Variants in FSAF1 observed in about 807,000 individuals in gnomAD.
FSAF1 encodes 40S small subunit processome assembly factor 1, also known as uncharacterized protein C1orf131.
chr1:231,224,256 C>A, the FSAF1 span: 4 of 1,600,328 alleles, frequency 2.5e-6, no homozygotes, highest in Non-Finnish European at 8.5e-7. Context: ...TGTTCCCATC[C>A]TCGTTTTATT....
At chr1:231,235,461 C>A in the FSAF1 span, among the ~76,000 whole-genome samples, 2 of 151,558 alleles carry the variant, frequency 1.3e-5, no homozygotes, top group Non-Finnish European at 2.9e-5. Flanking sequence ...CAGGCCACTG[C>A]ACTCCAGCCT....
chr1:231,228,586 G>A, the FSAF1 span, among the ~76,000 whole-genome samples: 1 of 143,034 alleles, frequency 7.0e-6, no homozygotes, highest in Non-Finnish European at 1.5e-5. Flanking sequence ...GTGACAGAGG[G>A]AGACTCTGCC....
the FSAF1 span, chr1:231,226,879 T>C: frequency 6.3e-7 from 1 of 1,591,178 alleles, no homozygotes; most frequent in Non-Finnish European, 8.6e-7. Context: ...GCAAAAATGT[T>C]CCAGTGTCCC....
chr1:231,233,850 C>A, the FSAF1 span, among the ~76,000 whole-genome samples: 30 of 152,238 alleles, frequency 2.0e-4, no homozygotes, highest in East Asian at 2.9e-3. Context: ...CGTGCCCAGC[C>A]GAACAAAAAT....
At chr1:231,230,650 G>T in the FSAF1 span, among the ~76,000 whole-genome samples, 142 of 152,324 alleles carry the variant, frequency 9.3e-4, no homozygotes, top group African/African-American at 3.3e-3. Flanking sequence ...CCAAACGGGA[G>T]CTGTGCTTCT....
At chr1:231,226,975 T>C in the FSAF1 span, 1 of 1,614,162 alleles carries the variant, frequency 6.2e-7, no homozygotes. Flanking sequence ...CCCCTCACCT[T>C]AGCGCCCAGC....
the FSAF1 span, among the ~76,000 whole-genome samples, chr1:231,230,188 C>A: frequency 8.6e-5 from 13 of 151,944 alleles, no homozygotes; most frequent in Non-Finnish European, 1.9e-4. Flanking sequence ...TGATGAGAAA[C>A]TGAGAAAAAA....
At chr1:231,228,331 G>A in the FSAF1 span, among the ~76,000 whole-genome samples, 5 of 152,182 alleles carry the variant, frequency 3.3e-5, no homozygotes, top group African/African-American at 1.2e-4. Flanking sequence ...AGGCGTGGTG[G>A]CTCACGCATG....
the FSAF1 span, among the ~76,000 whole-genome samples, chr1:231,236,316 T>C: frequency 6.6e-6 from 1 of 152,186 alleles, no homozygotes; most frequent in Non-Finnish European, 1.5e-5. Context: ...GTGTTTTTAA[T>C]GTGTCCACAT....
chr1:231,236,729 C>T, the FSAF1 span: 1 of 152,172 alleles, frequency 6.6e-6, no homozygotes, highest in Non-Finnish European at 1.5e-5. Context: ...TAGTTGAAGT[C>T]TTCAAATGCT....
chr1:231,238,641 T>A, the FSAF1 span: 1 of 473,912 alleles, frequency 2.1e-6, no homozygotes, highest in Non-Finnish European at 3.7e-6. Flanking sequence ...TACCTGCTTT[T>A]CACTGGAGGT....
At chr1:231,241,128 G>C in the FSAF1 span, 2 of 1,612,632 alleles carry the variant, frequency 1.2e-6, no homozygotes, top group Non-Finnish European at 1.7e-6. Context: ...GTCAGCCGAG[G>C]AATCAACCCT....
chr1:231,230,523 C>T, the FSAF1 span, among the ~76,000 whole-genome samples: 1 of 152,186 alleles, frequency 6.6e-6, no homozygotes, highest in African/African-American at 2.4e-5. Flanking sequence ...CCCTACCTGC[C>T]AAGAGGTGCC....
At chr1:231,239,114 A>G in the FSAF1 span, 1 of 1,613,004 alleles carries the variant, frequency 6.2e-7, no homozygotes, top group Non-Finnish European at 8.5e-7. Flanking sequence ...AAGGCCGCTG[A>G]AGCCATCACA....
chr1:231,225,662 T>A, the FSAF1 span: 1 of 781,136 alleles, frequency 1.3e-6, no homozygotes, highest in East Asian at 2.7e-5. Context: ...AACATAACAG[T>A]CTCAAAGTTT....
At chr1:231,240,668 G>A in the FSAF1 span, among the ~76,000 whole-genome samples, 28 of 152,166 alleles carry the variant, frequency 1.8e-4, no homozygotes, top group African/African-American at 5.8e-4. This position sits in a 1 kb window ranked among gnomAD's most constrained non-coding sequence, Gnocchi z 4.1. Context: ...CATCGCACCA[G>A]GGTCAGGCAG....
the FSAF1 span, among the ~76,000 whole-genome samples, chr1:231,231,260 C>T: frequency 3.9e-5 from 6 of 152,228 alleles, no homozygotes; most frequent in Non-Finnish European, 8.8e-5. Context: ...TATTCTATGA[C>T]TGGAAAAAAT....
At chr1:231,225,727 G>T in the FSAF1 span, 1 of 585,280 alleles carries the variant, frequency 1.7e-6, no homozygotes, top group African/African-American at 1.9e-5. Context: ...GGTGGCTCAT[G>T]CCTATAGTCC....
the FSAF1 span, chr1:231,224,606 G>T: frequency 1.9e-6 from 1 of 532,464 alleles, no homozygotes; most frequent in South Asian, 3.2e-5. Context: ...CCCTTGCACT[G>T]GTTTCTTCTG....
Sources: gnomAD v4.1 joint callset for allele counts (sites outside exome capture counted in the v4.1 genomes callset) on GRCh38, gnomAD v4.1.1 for gene constraint, Gnocchi (gnomAD v3.1) non-coding constraint, MANE v1.5 for transcripts, NCBI Gene and HGNC (gene_info 2026-07-23, HGNC 2026-07-21) for gene names.